The following CLCA4 variants were observed in gnomAD, a reference collection of about 807,000 sequenced individuals.
CLCA4 encodes chloride channel accessory 4.
Under a neutral mutation model 78.9 loss-of-function variants are expected in CLCA4, and 69 were observed. That is an observed-to-expected ratio of 0.87 (90% CI 0.72 to 1.07). CLCA4 has a LOEUF of 1.07. Among genes scored for constraint, CLCA4 ranks in the 50% least tolerant of loss-of-function variants. CLCA4 has a pLI of 0.00. For synonymous variants in CLCA4, 362 were observed against 375.8 expected (o/e 0.96, Z 0.42); for missense variants, 1,133 against 1,095.8 (o/e 1.03, Z -0.48).
chr1:86,570,036 G>A (rs757240210), intron 7 of CLCA4, among the ~76,000 whole-genome samples: 6 of 151,894 alleles, frequency 4.0e-5, no homozygotes, highest in South Asian at 2.1e-4. Context: ...CTCTCTTTCC[G>A]TTCGGTTTCA....
intron 1 of CLCA4, among the ~76,000 whole-genome samples, chr1:86,550,892 T>C (rs1035047879): frequency 7.4e-5 from 11 of 149,440 alleles, no homozygotes; most frequent in Admixed American, 1.3e-4. Context: ...AGTGCAGTGG[T>C]GCGATCTTGG....
In CLCA4 at chr1:86,571,106, T is replaced by A. The variant is rs553675518; in HGVS notation, c.1212T>A (p.Asp404Glu). ...QVIGELHSQL[D>E]GSEVLLLTDG... ...TTGGAGAGCTACATTCCCAACTCGA[T>A]GGATCCGAAGTACTGCTGCTGACTG... Residue 404 changes from aspartate (D) to glutamate (E), a missense_variant, in exon 8 of 14, where the codon GAT (aspartate) becomes GAA (glutamate). Physicochemically the swap from Asp to Glu is conservative, Grantham distance 45. Transcript: ENST00000370563. The A allele has an allele frequency of 6.2e-7, 1 of 1,612,214 alleles. No individual in the cohort carries two copies.
chr1:86,549,263 G>A (rs951126736), intron 1 of CLCA4, among the ~76,000 whole-genome samples: 3 of 152,152 alleles, frequency 2.0e-5, no homozygotes, highest in African/African-American at 7.2e-5. Flanking sequence ...AGAGCCCATT[G>A]AAAACTAGGG....
intron 3 of CLCA4, among the ~76,000 whole-genome samples, chr1:86,561,755 C>G (rs1293573338): frequency 6.6e-6 from 1 of 152,122 alleles, no homozygotes; most frequent in East Asian, 1.9e-4. Flanking sequence ...AGCTTAATGT[C>G]CCCATATCAG....
chr1:86,569,067 C>A (rs1352125902), intron 7 of CLCA4, among the ~76,000 whole-genome samples: 1 of 151,968 alleles, frequency 6.6e-6, no homozygotes, highest in Non-Finnish European at 1.5e-5. Flanking sequence ...AATCTATTCA[C>A]CAAGCAAAGC....
chr1:86,579,176 T>C (rs1650624241), intron 12 of CLCA4, among the ~76,000 whole-genome samples, 178 bp from the exon 13 acceptor site: 1 of 152,070 alleles, frequency 6.6e-6, no homozygotes, highest in Non-Finnish European at 1.5e-5. Context: ...TCCTACAATA[T>C]CCTACCAAAG....
intron 10 of CLCA4, among the ~76,000 whole-genome samples, 171 bp downstream of exon 10, chr1:86,574,926 C>A (rs931250367): frequency 2.0e-5 from 3 of 151,930 alleles, no homozygotes; most frequent in Admixed American, 2.0e-4. Context: ...GAAAAAAGAA[C>A]TTATATATCA....
Position 86,563,687 on chromosome 1 carries a change from C to T in CLCA4, c.475C>T (p.His159Tyr), listed in dbSNP as rs763814811. 7 of 1,597,340 alleles carry T rather than the reference C, an allele frequency of 4.4e-6. No homozygotes were observed. The South Asian group carries it at 6.8e-5, about 16-fold the overall frequency. ...CAAACTGTTTGTCCATGAGTGGGCT[C>T]ACCTCCGGTGGGGAGTGTTTGATGA... The part of the protein sequence containing the change: ...PGKLFVHEWA[H>Y]LRWGVFDEYN... Residue 159 changes from histidine (H) to tyrosine (Y), a missense_variant, in exon 4 of 14, where the codon CAC becomes TAC. His to Tyr is a moderately conservative substitution (Grantham distance 83). Coordinates refer to ENST00000370563, the MANE Select transcript of CLCA4 (RefSeq NM_012128.4).
At chr1:86,553,767 T>A (rs377164090) in intron 1 of CLCA4, among the ~76,000 whole-genome samples, 48 of 152,138 alleles carry the variant, frequency 3.2e-4, no homozygotes, top group African/African-American at 1.2e-3. Context: ...AAACCCTCTC[T>A]CTACTAAAAA....
At chr1:86,550,599 G>A (rs569011209) in intron 1 of CLCA4, among the ~76,000 whole-genome samples, 9 of 145,698 alleles carry the variant, frequency 6.2e-5, no homozygotes, top group South Asian at 2.2e-4. Context: ...CTAGGGGTCC[G>A]AAAAAAAAAA....
At position 86,572,787 on chromosome 1, in the gene CLCA4, A is replaced by AT. The variant is rs1466706729; in HGVS notation, c.1467+68dup. ...CACAAGAAAAAACCATTTGGTGGTTATAAGTTTTGAGTTCCATATTTTTCT... is the reference window on the plus strand; with the variant it reads ...CACAAGAAAAAACCATTTGGTGGTTATTAAGTTTTGAGTTCCATATTTTTCT... On this transcript the variant is annotated intron_variant, in intron 9 of 13. Transcript: ENST00000370563. 9 of 918,996 alleles carry AT rather than the reference A, an allele frequency of 9.8e-6. No individual in the cohort carries two copies. In the South Asian group the frequency reaches 1.2e-4, roughly 12 times the overall value. 56.9% of individuals were successfully genotyped at this position (918,996 alleles called of 1,614,324 possible).
At chr1:86,559,170 G>A (rs1046006390) in intron 1 of CLCA4, among the ~76,000 whole-genome samples, 1 of 151,956 alleles carries the variant, frequency 6.6e-6, no homozygotes, top group African/African-American at 2.4e-5. Flanking sequence ...CTTCTGGGAG[G>A]AACTATTTTT....
At chr1:86,551,418 T>C (rs1360322642) in intron 1 of CLCA4, among the ~76,000 whole-genome samples, 1 of 151,896 alleles carries the variant, frequency 6.6e-6, no homozygotes, top group African/African-American at 2.4e-5. Context: ...GGCTAAGGGG[T>C]GAGGAAGTTA....
chr1:86,549,802 G>T (rs904963995), intron 1 of CLCA4, among the ~76,000 whole-genome samples: 1 of 152,188 alleles, frequency 6.6e-6, no homozygotes, highest in African/African-American at 2.4e-5. Flanking sequence ...AGAGTTAGTT[G>T]GTTGGGGCTT....
rs779090509 is a variant in CLCA4 at position 86,579,518 on chromosome 1, G to GCCAC, written c.2288_2291dup (p.Val765HisfsTer4). On this transcript the variant is annotated frameshift_variant, in exon 13 of 14. Transcript: ENST00000370563. LOFTEE classifies it high-confidence loss of function. The stretch of plus-strand genomic sequence containing the variant: ...ACCAAGTCAAATCACAGACCTTGAT[G>GCCAC]CCACAGTTCATGAGGATAAGATTAT... 2 of 1,613,082 alleles carry GCCAC rather than the reference G, an allele frequency of 1.2e-6. No individual in the cohort carries two copies. Among genetic ancestry groups the GCCAC allele is most frequent in the East Asian group, 4.5e-5 (2 of 44,836 alleles).
chr1:86,552,146 GA>G (rs1335323008), intron 1 of CLCA4, among the ~76,000 whole-genome samples: 3 of 152,180 alleles, frequency 2.0e-5, no homozygotes, highest in Admixed American at 2.0e-4. Flanking sequence ...GATATTTATA[GA>G]AAAAATATAC....
At position 86,580,350 on chromosome 1, in the gene CLCA4, T is replaced by TA. The variant is rs1181637527; in HGVS notation, c.*7dup. The TA allele has an allele frequency of 6.4e-7, 1 of 1,553,276 alleles. No individual in the cohort carries two copies. The highest frequency in any genetic ancestry group is 8.6e-7 in the Non-Finnish European group (1 of 1,156,724). ...ATTTTAAGTACCACCATTTGAACCT[T>TA]AACGAAGAAAAAAATCTTCAAGTAG... On this transcript the variant is annotated 3_prime_UTR_variant, in exon 14 of 14. Transcript: ENST00000370563.
intron 12 of CLCA4, among the ~76,000 whole-genome samples, chr1:86,578,855 T>C (rs1459252659): frequency 6.6e-6 from 1 of 152,072 alleles, no homozygotes; most frequent in Non-Finnish European, 1.5e-5. Flanking sequence ...TGCAGTAAAG[T>C]GATGTAAGAA....
At chr1:86,561,914 A>G (rs1226556617) in intron 3 of CLCA4, among the ~76,000 whole-genome samples, 2 of 152,266 alleles carry the variant, frequency 1.3e-5, no homozygotes, top group African/African-American at 4.8e-5. Flanking sequence ...CAAGGTCCTA[A>G]AAAACAGTAA....
Sources: gnomAD v4.1 joint callset for allele counts (sites outside exome capture counted in the v4.1 genomes callset) on GRCh38, gnomAD v4.1.1 for gene constraint, MANE v1.5 for transcripts, NCBI Gene and HGNC (gene_info 2026-07-23, HGNC 2026-07-21) for gene names.